Variants in PLAG1 observed in about 807,000 individuals in gnomAD.
PLAG1 encodes the protein zinc finger protein PLAG1.
Under a neutral mutation model 35.5 loss-of-function variants are expected in PLAG1, and 7 were observed. The observed-to-expected ratio is 0.20, with a 90% confidence interval of 0.11 to 0.37. PLAG1 has a LOEUF of 0.37. Ranked by LOEUF, PLAG1 falls within the 10% of genes least tolerant of loss-of-function variation. The pLI is 1.00. For missense variants in PLAG1, 454 were observed against 602.8 expected, an observed-to-expected ratio of 0.75 and a Z score of 2.58; for synonymous variants, 229 against 225.4, an observed-to-expected ratio of 1.02 and a Z score of -0.14.
intron 1 of PLAG1, among the ~76,000 whole-genome samples, chr8:56,199,045 G>C (rs1026073874): frequency 2.0e-5 from 3 of 152,250 alleles, no homozygotes; most frequent in African/African-American, 7.2e-5. Context: ...AGAGACTAAG[G>C]CTTCATTAGC....
intron 1 of PLAG1, among the ~76,000 whole-genome samples, chr8:56,200,461 G>T (rs188468779): frequency 6.6e-6 from 1 of 152,224 alleles, no homozygotes; most frequent in African/African-American, 2.4e-5. Context: ...TCACATTTCT[G>T]TAACGCTAGT....
chr8:56,191,908 G>A (rs952740933), intron 1 of PLAG1, among the ~76,000 whole-genome samples: 2 of 151,968 alleles, frequency 1.3e-5, no homozygotes, highest in Non-Finnish European at 2.9e-5. Context: ...ATTGAGGAAT[G>A]TACTATGCAC....
rs923756714 is a variant in PLAG1, at chr8:56,161,593, T to G, written c.*4650A>C. 1.7e-5 allele frequency: 4 copies of G among 228,770 alleles called. No individual in the cohort carries two copies. The highest frequency in any genetic ancestry group is 3.5e-5 in the Non-Finnish European group (4 of 115,036). The allele number at this position is 228,770 out of a possible 1,614,324, so 14.2% of individuals were successfully genotyped here. On this transcript the variant is annotated 3_prime_UTR_variant, in exon 5 of 5. Transcript: ENST00000316981. ...AAAGCTGGGTTTGTTCTGGTAACAT[T>G]TGCATGTCCGAGATCTCCTTTTGCA...
In PLAG1 at chr8:56,167,918, C is replaced by G; in HGVS notation, c.242+110G>C. ...CAATGTCTAATCTACTTAACATTTC[C>G]TCTTTGCAAATTAGCTGAAAAATGT... On this transcript the variant is annotated intron_variant, in intron 4 of 4. Transcript: ENST00000316981. This position sits in a 1 kb window ranked among gnomAD's most constrained non-coding sequence, Gnocchi z 5.9. 1 of 628,386 alleles carries G rather than the reference C, an allele frequency of 1.6e-6. No individual in the cohort carries two copies. The highest frequency in any genetic ancestry group is 2.8e-6 in the Non-Finnish European group (1 of 361,760). 38.9% of individuals were successfully genotyped at this position (628,386 alleles called of 1,614,324 possible).
intron 1 of PLAG1, among the ~76,000 whole-genome samples, chr8:56,182,238 G>A (rs66796428): frequency 0.14 from 21,766 of 152,200 alleles, 1,799 homozygotes; most frequent in Middle Eastern, 0.19. Context: ...TATCCAAAGC[G>A]GAGATGAAAA....
intron 1 of PLAG1, among the ~76,000 whole-genome samples, chr8:56,209,735 G>C (rs1348481491): frequency 6.6e-6 from 1 of 151,966 alleles, no homozygotes; most frequent in Non-Finnish European, 1.5e-5. Flanking sequence ...TCCCCAAAAG[G>C]TACTCCAGCC....
rs1380731008 is a variant in PLAG1 at position 56,211,210 on chromosome 8, T to C, written c.-411A>G. ...ATAATTTTTTTCTCATATTTCGGGC[T>C]GGACGCGGCGGGCCTGGAAATTGTT... On this transcript the variant is annotated 5_prime_UTR_variant, in exon 1 of 5. Coordinates refer to ENST00000316981, the MANE Select transcript of PLAG1 (RefSeq NM_002655.3). 2 of 153,604 alleles carry C rather than the reference T, an allele frequency of 1.3e-5. No homozygotes were observed. Among genetic ancestry groups the C allele is most frequent in the Non-Finnish European group, 2.9e-5 (2 of 68,352 alleles). 9.5% of individuals were successfully genotyped at this position (153,604 alleles called of 1,614,324 possible).
At chr8:56,168,714 A>G (rs1012431715) in intron 3 of PLAG1, among the ~76,000 whole-genome samples, 1 of 152,178 alleles carries the variant, frequency 6.6e-6, no homozygotes, top group Non-Finnish European at 1.5e-5. Context: ...TTAAGCTTCA[A>G]TTTTTACAAA....
chr8:56,194,474 T>C (rs1812292674), intron 1 of PLAG1, among the ~76,000 whole-genome samples: 1 of 152,004 alleles, frequency 6.6e-6, no homozygotes, highest in Admixed American at 6.6e-5. Flanking sequence ...TGGCAGAAAA[T>C]GGTGGCTCAT....
At chr8:56,206,894 T>G (rs1812716339) in intron 1 of PLAG1, among the ~76,000 whole-genome samples, 1 of 152,034 alleles carries the variant, frequency 6.6e-6, no homozygotes, top group Non-Finnish European at 1.5e-5. Context: ...TGGATTTTGT[T>G]GAACAGATTC....
rs138546664 is a variant in PLAG1 at position 56,166,908 on chromosome 8, T to C, written c.838A>G (p.Lys280Glu). The change falls in exon 5 of 5, where the codon AAG (lysine) becomes GAG (glutamate). Residue 280 changes from lysine (K) to glutamate (E), a missense_variant. Lys to Glu is a moderately conservative substitution (Grantham distance 56). Around this residue, in one of 4 missense-constraint regions of PLAG1, gnomAD observed 271 missense variants for 315.6 expected, o/e 0.86. Coordinates refer to ENST00000316981, the MANE Select transcript of PLAG1 (RefSeq NM_002655.3). ...MSLPSSELLS[K>E]PFTNTLQLNL... ...AACTGCAAAGTGTTTGTGAATGGCT[T>C]TGATAACAGTTCACTGGAAGGTAAG... The C allele has an allele frequency of 9.3e-6, 15 of 1,613,950 alleles. No individual in the cohort carries two copies. The Admixed American group carries it at 1.0e-4, about 11-fold the overall frequency.
intron 1 of PLAG1, among the ~76,000 whole-genome samples, chr8:56,210,697 A>G (rs1812861166): frequency 6.6e-6 from 1 of 151,140 alleles, no homozygotes; most frequent in Non-Finnish European, 1.5e-5. Context: ...TTTTTCCCTT[A>G]TTTTTCGGGT....
intron 1 of PLAG1, among the ~76,000 whole-genome samples, chr8:56,198,358 TG>T (rs1306514080): frequency 1.3e-5 from 2 of 152,164 alleles, no homozygotes; most frequent in African/African-American, 4.8e-5. Context: ...AGGCAGGCTG[TG>T]GGTGCCCCAG....
chr8:56,185,961 T>A (rs769624620), intron 1 of PLAG1, among the ~76,000 whole-genome samples: 1 of 152,168 alleles, frequency 6.6e-6, no homozygotes, highest in Non-Finnish European at 1.5e-5. Flanking sequence ...ACAAATGAAG[T>A]AACACAGAAG....
chr8:56,179,452 G>A lies in PLAG1; in HGVS notation c.-260C>T. 1.0e-6 allele frequency: 1 copy of A among 977,464 alleles called. No homozygotes were observed. 60.5% of individuals were successfully genotyped at this position (977,464 alleles called of 1,614,324 possible). A position where few individuals can be genotyped will look rare whatever the true frequency, so the allele number is the denominator to read the frequency against. ...CTCTAGCAAGGCAACCTTATTAATA[G>A]ACCGTCACAGAATGAAGCATTCTGG... is the stretch of plus-strand genomic sequence containing the variant. On this transcript the variant is annotated 5_prime_UTR_variant, in exon 2 of 5. Transcript: ENST00000316981.
chr8:56,209,015 C>G (rs1417287785), intron 1 of PLAG1, among the ~76,000 whole-genome samples: 1 of 152,142 alleles, frequency 6.6e-6, no homozygotes, highest in African/African-American at 2.4e-5. Context: ...ATGCCTACTG[C>G]TTACAATTTT....
At chr8:56,210,853 C>T (rs1164603420) in intron 1 of PLAG1, among the ~76,000 whole-genome samples, 1 of 151,588 alleles carries the variant, frequency 6.6e-6, no homozygotes, top group Admixed American at 6.6e-5. Context: ...CCACCGACCT[C>T]ACCTTCGGGT....
At chr8:56,176,169 C>T (rs959976260) in intron 2 of PLAG1, among the ~76,000 whole-genome samples, 2 of 151,810 alleles carry the variant, frequency 1.3e-5, no homozygotes, top group Admixed American at 1.3e-4. Flanking sequence ...CATGCCTCAG[C>T]CTCCGCAGCA....
intron 2 of PLAG1, chr8:56,178,076 C>CCTG (rs375625223): frequency 0.2 from 169,961 of 846,612 alleles, 19,163 homozygotes; most frequent in African/African-American, 0.41. Context: ...GCACATGGAA[C>CCTG]TACAGGTTGA....
Sources: allele counts gnomAD v4.1 joint callset (sites outside exome capture counted in the v4.1 genomes callset), GRCh38; gene constraint gnomAD v4.1.1; regional missense constraint gnomAD v4.1.1; non-coding constraint Gnocchi (gnomAD v3.1); transcripts MANE v1.5; gene names NCBI Gene and HGNC (gene_info 2026-07-23, HGNC 2026-07-21).